Variants in VPS41 observed in about 807,000 individuals in gnomAD.
VPS41 encodes vacuolar protein sorting-associated protein 41 homolog.
In VPS41, 85 loss-of-function variants were observed where a neutral mutation model predicts 130.9. The ratio of observed to expected loss-of-function variants is 0.65; its 90% confidence interval spans 0.55 to 0.78. VPS41 has a LOEUF of 0.78. Ranked by LOEUF, VPS41 falls within the 30% of genes least tolerant of loss-of-function variation. The pLI is 0.00. For missense variants in VPS41, 874 were observed against 1,018.7 expected (o/e 0.86, Z 1.93); for synonymous variants, 335 against 332.9 (o/e 1.01, Z -0.07).
chr7:38,767,496 CTATTTA>C (rs1784069884), intron 15 of VPS41, 35 bp downstream of exon 15: 1 of 1,448,312 alleles, frequency 6.9e-7, no homozygotes, highest in Non-Finnish European at 9.6e-7. Context: ...ATGCTCAATT[CTATTTA>C]TATTAACAAA....
At chr7:38,795,054 C>A (rs1784594289) in intron 9 of VPS41, among the ~76,000 whole-genome samples, 1 of 152,040 alleles carries the variant, frequency 6.6e-6, no homozygotes, top group Admixed American at 6.6e-5. Flanking sequence ...TAATTTTAAC[C>A]TTCTCTCTCC....
chr7:38,798,446 C>T (rs1275116571), intron 7 of VPS41, among the ~76,000 whole-genome samples: 1 of 152,128 alleles, frequency 6.6e-6, no homozygotes, highest in African/African-American at 2.4e-5. Flanking sequence ...GCATGCACCA[C>T]CATGTCTGGC....
intron 5 of VPS41, among the ~76,000 whole-genome samples, chr7:38,825,404 T>C (rs569360449): frequency 6.6e-6 from 1 of 152,354 alleles, no homozygotes; most frequent in South Asian, 2.1e-4. Flanking sequence ...TCACACGTTA[T>C]ACTACTAAAG....
chr7:38,796,338 T>C (rs1784619058), intron 8 of VPS41: 1 of 388,316 alleles, frequency 2.6e-6, no homozygotes, highest in Non-Finnish European at 5.0e-6. Flanking sequence ...AGGTCTATAC[T>C]TCTGTCTATG....
intron 2 of VPS41, among the ~76,000 whole-genome samples, chr7:38,897,125 T>C (rs1042167882): frequency 7.6e-5 from 10 of 131,832 alleles, no homozygotes; most frequent in South Asian, 4.6e-4. Context: ...ACCCAGGAGA[T>C]AGAGGTTATA....
intron 2 of VPS41, among the ~76,000 whole-genome samples, chr7:38,875,810 CA>C (rs1207417900): frequency 1.3e-4 from 20 of 152,028 alleles, no homozygotes; most frequent in Non-Finnish European, 2.5e-4. Flanking sequence ...TATATGAATG[CA>C]AAAAATGTTG....
At chr7:38,785,848 A>C (rs902220279) in intron 10 of VPS41, among the ~76,000 whole-genome samples, 2 of 152,214 alleles carry the variant, frequency 1.3e-5, no homozygotes, top group African/African-American at 2.4e-5. Context: ...AGGTTCTATA[A>C]ATTATCTAAA....
intron 1 of VPS41, among the ~76,000 whole-genome samples, chr7:38,900,883 T>C (rs1259466082): frequency 1.3e-5 from 2 of 152,240 alleles, no homozygotes; most frequent in Non-Finnish European, 2.9e-5. Flanking sequence ...TGTTATTTCT[T>C]AGCTTCATTC....
At chr7:38,762,773 GA>G (rs1783947741) in intron 17 of VPS41, among the ~76,000 whole-genome samples, 1 of 152,138 alleles carries the variant, frequency 6.6e-6, no homozygotes, top group South Asian at 2.1e-4. Flanking sequence ...AAGAGCTTAT[GA>G]AAATAAAAAC....
intron 23 of VPS41, 138 bp from the exon 24 acceptor site, chr7:38,743,680 T>G: frequency 1.1e-6 from 1 of 951,088 alleles, no homozygotes; most frequent in Non-Finnish European, 1.5e-6. Flanking sequence ...CACCAACATT[T>G]ACTGTCTATA....
At chr7:38,892,438 T>C (rs1276759283) in intron 2 of VPS41, among the ~76,000 whole-genome samples, 1 of 152,110 alleles carries the variant, frequency 6.6e-6, no homozygotes, top group Admixed American at 6.6e-5. Context: ...CCCAGCACTG[T>C]TTTCTATACT....
chr7:38,872,055 T>C (rs748232627), intron 2 of VPS41, among the ~76,000 whole-genome samples: 3 of 152,188 alleles, frequency 2.0e-5, no homozygotes, highest in Non-Finnish European at 4.4e-5. Context: ...AGTGGTTCAC[T>C]GAGGACTTCT....
chr7:38,888,016 G>A (rs545831084), intron 2 of VPS41, among the ~76,000 whole-genome samples: 9 of 152,290 alleles, frequency 5.9e-5, no homozygotes, highest in Non-Finnish European at 1.2e-4. Context: ...CATTACAAGA[G>A]CTCCTGAAGG....
Position 38,770,873 on chromosome 7 carries a change from T to C in VPS41, c.1185+325A>G, listed in dbSNP as rs908062694. Among the ~76,000 whole-genome samples the C allele has an allele frequency of 3.9e-5, 6 of 152,320 alleles. No individual in the cohort carries two copies. In the South Asian group the frequency reaches 8.3e-4, roughly 21 times the overall value. Reference sequence around the variant, plus strand: ...AATGCAGTTTTAGGAAACCTCTCTTTTTTTGATAAATTTTGTGATAATGTG... The same window carrying C: ...AATGCAGTTTTAGGAAACCTCTCTTCTTTTGATAAATTTTGTGATAATGTG... On this transcript the variant is annotated intron_variant, in intron 14 of 28. Coordinates refer to ENST00000310301, the MANE Select transcript of VPS41 (RefSeq NM_014396.4).
intron 2 of VPS41, among the ~76,000 whole-genome samples, chr7:38,879,930 C>T (rs1213866371): frequency 4.6e-5 from 7 of 151,562 alleles, no homozygotes; most frequent in African/African-American, 1.5e-4. Flanking sequence ...TATCCAAAAT[C>T]CTACTGAAAT....
intron 25 of VPS41, among the ~76,000 whole-genome samples, chr7:38,733,518 C>T (rs991355617): frequency 1.3e-5 from 2 of 152,082 alleles, no homozygotes; most frequent in African/African-American, 4.8e-5. Flanking sequence ...AAGATTATGT[C>T]CTCCTTCACA....
chr7:38,845,859 T>G (rs1341059133), intron 4 of VPS41, among the ~76,000 whole-genome samples: 1 of 152,222 alleles, frequency 6.6e-6, no homozygotes, highest in Admixed American at 6.5e-5. Flanking sequence ...AACTTTTCTT[T>G]CCGTATATAA....
At chr7:38,779,964 C>T (rs747056626) in intron 10 of VPS41, among the ~76,000 whole-genome samples, 13 of 152,146 alleles carry the variant, frequency 8.5e-5, no homozygotes, top group African/African-American at 1.4e-4. Flanking sequence ...TTCTATTCCA[C>T]GTAAAAATGA....
At chr7:38,799,138 C>T (rs1784678473) in intron 7 of VPS41, among the ~76,000 whole-genome samples, 1 of 152,126 alleles carries the variant, frequency 6.6e-6, no homozygotes, top group Admixed American at 6.5e-5. Context: ...AAAAGGCAGG[C>T]ACCTATGGAA....
Sources: gnomAD v4.1 joint callset for allele counts (sites outside exome capture counted in the v4.1 genomes callset) on GRCh38, gnomAD v4.1.1 for gene constraint, MANE v1.5 for transcripts, NCBI Gene and HGNC (gene_info 2026-07-23, HGNC 2026-07-21) for gene names.